Variants in DLG2 observed in about 807,000 individuals in gnomAD.
The protein encoded by DLG2 is disks large homolog 2.
Under a neutral mutation model 132.5 loss-of-function variants are expected in DLG2, and 45 were observed. That is an observed-to-expected ratio of 0.34 (90% CI 0.27 to 0.44). The LOEUF is 0.44. Ranked by LOEUF, DLG2 falls within the 20% of genes least tolerant of loss-of-function variation. DLG2 has a pLI of 1.00. For synonymous variants in DLG2, 424 were observed against 419.6 expected (o/e 1.01, Z -0.13); for missense variants, 1,045 against 1,196.9 (o/e 0.87, Z 1.87).
chr11:84,556,849 A>G (rs1169873672), intron 6 of DLG2, among the ~76,000 whole-genome samples: 5 of 152,212 alleles, frequency 3.3e-5, no homozygotes, highest in Admixed American at 6.5e-5. Context: ...TTAGTTTGCT[A>G]AGGATAATGG....
intron 7 of DLG2, among the ~76,000 whole-genome samples, chr11:84,357,507 T>C (rs1410580502): frequency 3.9e-5 from 6 of 152,110 alleles, no homozygotes. Context: ...TGGGTGATTA[T>C]GTATTTTATG....
intron 18 of DLG2, among the ~76,000 whole-genome samples, chr11:83,762,080 A>G (rs112007631): frequency 1.6e-4 from 24 of 152,352 alleles, no homozygotes; most frequent in African/African-American, 4.8e-4. Flanking sequence ...GTAAGTAAAA[A>G]TGCATTTTAA....
At chr11:85,426,895 T>G (rs1050620483) in intron 3 of DLG2, among the ~76,000 whole-genome samples, 1 of 151,858 alleles carries the variant, frequency 6.6e-6, no homozygotes, top group Non-Finnish European at 1.5e-5. Flanking sequence ...ATTAGACGAA[T>G]GGCTAACTAG....
chr11:85,021,223 G>A (rs1416578880), intron 6 of DLG2: 19 of 1,259,156 alleles, frequency 1.5e-5, no homozygotes, highest in Admixed American at 1.0e-4. Context: ...CTGACGTTTC[G>A]AGGGCACTAC....
At chr11:85,525,573 G>A (rs910136594) in intron 3 of DLG2, among the ~76,000 whole-genome samples, 11 of 152,098 alleles carry the variant, frequency 7.2e-5, no homozygotes, top group African/African-American at 2.7e-4. Flanking sequence ...GAAACAGGAT[G>A]GAGTAACAGA....
chr11:85,105,424 C>A (rs2071578355), intron 6 of DLG2, among the ~76,000 whole-genome samples: 1 of 151,912 alleles, frequency 6.6e-6, no homozygotes, highest in African/African-American at 2.4e-5. Flanking sequence ...TTCTATCAAT[C>A]TCATCTTCTC....
At chr11:84,920,611 A>T (rs1214564145) in intron 6 of DLG2, among the ~76,000 whole-genome samples, 1 of 152,184 alleles carries the variant, frequency 6.6e-6, no homozygotes, top group Non-Finnish European at 1.5e-5. Context: ...CCTAGTTTCC[A>T]AGACTCTAAC....
chr11:84,420,794 A>G (rs1432092816), intron 7 of DLG2, among the ~76,000 whole-genome samples: 15 of 148,324 alleles, frequency 1.0e-4, no homozygotes, highest in Non-Finnish European at 2.1e-4. Flanking sequence ...TCAGCCTCCC[A>G]AGTAGCTGGG....
At chr11:83,486,411 C>A (rs2093511155) in intron 21 of DLG2, among the ~76,000 whole-genome samples, 1 of 151,714 alleles carries the variant, frequency 6.6e-6, no homozygotes, top group African/African-American at 2.4e-5. Context: ...GGAGTAAAGC[C>A]TGGGGTGAAA....
At chr11:85,320,902 T>C (rs923558566) in intron 3 of DLG2, among the ~76,000 whole-genome samples, 2 of 151,626 alleles carry the variant, frequency 1.3e-5, no homozygotes, top group African/African-American at 2.4e-5. Context: ...TTTAGACCTT[T>C]GGATTTTTTT....
intron 7 of DLG2, among the ~76,000 whole-genome samples, chr11:84,385,639 T>C (rs1440310095): frequency 1.3e-5 from 2 of 152,102 alleles, no homozygotes; most frequent in African/African-American, 4.8e-5. Flanking sequence ...GTAAACATTG[T>C]ATCTCCAGGG....
At chr11:84,998,032 T>C (rs1001206156) in intron 6 of DLG2, among the ~76,000 whole-genome samples, 2 of 152,162 alleles carry the variant, frequency 1.3e-5, no homozygotes, top group Non-Finnish European at 2.9e-5. Context: ...TATTTTAAAA[T>C]TGTTTTTAGA....
chr11:85,431,001 A>T (rs1239274445), intron 3 of DLG2, among the ~76,000 whole-genome samples: 1 of 152,148 alleles, frequency 6.6e-6, no homozygotes, highest in Non-Finnish European at 1.5e-5. Flanking sequence ...AACAGTGTAA[A>T]AAATGATTTT....
chr11:83,713,437 G>A (rs1297213473), intron 18 of DLG2, among the ~76,000 whole-genome samples: 1 of 152,160 alleles, frequency 6.6e-6, no homozygotes. Flanking sequence ...GCAAGACAAA[G>A]TATTTTTCAG....
chr11:85,583,233 A>G (rs1180919460), intron 3 of DLG2, among the ~76,000 whole-genome samples: 8 of 144,606 alleles, frequency 5.5e-5, no homozygotes, highest in African/African-American at 1.8e-4. Flanking sequence ...TGGTGTGATC[A>G]GAGCTCACTG....
In DLG2 at chr11:83,596,538, C is replaced by T. The variant is rs563120180; in HGVS notation, c.1940+36673G>A. On this transcript the variant is annotated intron_variant, in intron 19 of 27. Transcript: ENST00000376104. ...TGGTTTACCAACCTCTGGTCTCAGC[C>T]GCCTATGATCCATCCTTCCCATCGC... is the stretch of plus-strand genomic sequence containing the variant. Among the ~76,000 whole-genome samples, 85 of 152,250 alleles carry T rather than the reference C, an allele frequency of 5.6e-4. 1 individual carries two copies. Among genetic ancestry groups the T allele is most frequent in the African/African-American group, 1.8e-3 (76 of 41,532 alleles).
intron 6 of DLG2, among the ~76,000 whole-genome samples, chr11:84,615,112 T>C (rs1390384456): frequency 2.0e-5 from 3 of 152,184 alleles, no homozygotes; most frequent in East Asian, 3.9e-4. Context: ...TCACTACAAA[T>C]GGTTGTGTAT....
chr11:83,612,403 A>G (rs928302554), intron 19 of DLG2, among the ~76,000 whole-genome samples: 1 of 152,380 alleles, frequency 6.6e-6, no homozygotes, highest in Admixed American at 6.5e-5. Context: ...AAACATAGTC[A>G]GCATCTGATA....
At chr11:84,793,445 T>C (rs910199548) in intron 6 of DLG2, among the ~76,000 whole-genome samples, 2 of 152,218 alleles carry the variant, frequency 1.3e-5, no homozygotes, top group African/African-American at 4.8e-5. Flanking sequence ...TTAAGTCTGA[T>C]GTCTCTTTGT....
Sources: allele counts gnomAD v4.1 joint callset (sites outside exome capture counted in the v4.1 genomes callset), GRCh38; gene constraint gnomAD v4.1.1; transcripts MANE v1.5; gene names NCBI Gene and HGNC (gene_info 2026-07-23, HGNC 2026-07-21).